Variants in ADAMDEC1 observed in about 807,000 individuals in gnomAD.
ADAMDEC1 encodes ADAM like decysin 1.
In ADAMDEC1, 62 loss-of-function variants were observed where a neutral mutation model predicts 60.4. The observed-to-expected ratio is 1.03, with a 90% CI of 0.84 to 1.27. The LOEUF is 1.27. Ranked by LOEUF, ADAMDEC1 falls within the 50% of genes most tolerant of loss-of-function variation. The pLI, the probability that ADAMDEC1 is intolerant of heterozygous loss-of-function variation, is 0.00. For missense variants in ADAMDEC1, 595 were observed against 565.0 expected (o/e 1.05, Z -0.54); for synonymous variants, 210 against 195.1 (o/e 1.08, Z -0.64).
intron 5 of ADAMDEC1, 21 bp downstream of exon 5, chr8:24,395,817 T>C: frequency 6.3e-7 from 1 of 1,582,596 alleles, no homozygotes; most frequent in Non-Finnish European, 8.7e-7. Context: ...CCATCAAAAT[T>C]ACTCAAGATC....
intron 5 of ADAMDEC1, 89 bp from the exon 6 acceptor site, chr8:24,397,181 G>A: frequency 8.1e-7 from 1 of 1,240,408 alleles, no homozygotes; most frequent in South Asian, 1.5e-5. Context: ...GTGAAATTGG[G>A]ATGGAGGGGC....
intron 1 of ADAMDEC1, among the ~76,000 whole-genome samples, chr8:24,389,327 T>C (rs2129357562): frequency 6.6e-6 from 1 of 152,262 alleles, no homozygotes; most frequent in East Asian, 1.9e-4. Context: ...TCATCCTTGA[T>C]TCCTCTCTTT....
At chr8:24,384,706 T>C (rs907737154) in intron 1 of ADAMDEC1, 114 bp downstream of exon 1, 2 of 962,712 alleles carry the variant, frequency 2.1e-6, no homozygotes, top group Admixed American at 3.0e-5. Context: ...CCATTACCAT[T>C]TGCATTTTGG....
At chr8:24,400,399 C>G (rs1249390818) in intron 11 of ADAMDEC1, 99 bp downstream of exon 11, 25 of 1,261,846 alleles carry the variant, frequency 2.0e-5, no homozygotes, top group Non-Finnish European at 2.3e-5. Context: ...AATATTAGAT[C>G]TTGTGTTGTT....
At position 24,398,508 on chromosome 8, in the gene ADAMDEC1, T is replaced by C; in HGVS notation, c.719T>C (p.Leu240Pro). 1 of 1,599,960 alleles carries C rather than the reference T, an allele frequency of 6.3e-7. No homozygotes were observed. The highest frequency in any genetic ancestry group is 1.1e-5 in the South Asian group (1 of 90,258). The change falls in exon 8 of 14, where the codon CTG (leucine) becomes CCG (proline). Residue 240 changes from leucine to proline, a missense_variant. Leu to Pro is a moderately conservative substitution (Grantham distance 98). Transcript: ENST00000256412. ...FYKNYNENLTLIRSFVFDVMN... is the reference protein window; with the variant it reads ...FYKNYNENLTPIRSFVFDVMN... ...AAGAACTATAATGAGAATCTAACTCTGATAAGAAGCTTTGTGTTTGATGTG... is the reference window on the plus strand; with the variant it reads ...AAGAACTATAATGAGAATCTAACTCCGATAAGAAGCTTTGTGTTTGATGTG...
chr8:24,399,323 T>C (rs1480933995), intron 9 of ADAMDEC1, 70 bp from the exon 10 acceptor site: 2 of 1,473,684 alleles, frequency 1.4e-6, no homozygotes, highest in South Asian at 2.3e-5. Context: ...AATTCGTTAA[T>C]GTAATTAACA....
At chr8:24,400,028 C>T in intron 10 of ADAMDEC1, 142 bp from the exon 11 acceptor site, 1 of 627,802 alleles carries the variant, frequency 1.6e-6, no homozygotes, top group East Asian at 3.0e-5. Flanking sequence ...TTTAAATGCT[C>T]TTTCAACGTT....
At chr8:24,396,674 A>G (rs1311233333) in intron 5 of ADAMDEC1, among the ~76,000 whole-genome samples, 2 of 152,240 alleles carry the variant, frequency 1.3e-5, no homozygotes, top group African/African-American at 2.4e-5. Context: ...TGTTCTTCCA[A>G]CATGGCTGAT....
In ADAMDEC1 at chr8:24,392,472, T is replaced by C. The variant is rs76898116; in HGVS notation, c.207+92T>C. ...CTAACAGAAGTGATGTTACAGTTAC[T>C]ATGTAATAGTTTCATATTGAAGCCC... On this transcript the variant is annotated intron_variant, in intron 2 of 13. Coordinates refer to ENST00000256412, the MANE Select transcript of ADAMDEC1 (RefSeq NM_014479.3). 6.0e-3 allele frequency: 5,447 copies of C among 908,864 alleles called. 209 individuals are homozygous for C. The African/African-American group carries it at 0.084, about 14-fold the overall frequency. 56.3% of individuals were successfully genotyped at this position (908,864 alleles called of 1,614,324 possible). A position where few individuals can be genotyped will look rare whatever the true frequency, so the allele number is the denominator to read the frequency against.
At chr8:24,389,354 C>A (rs550942887) in intron 1 of ADAMDEC1, among the ~76,000 whole-genome samples, 1 of 152,142 alleles carries the variant, frequency 6.6e-6, no homozygotes, top group Admixed American at 6.6e-5. Flanking sequence ...TGTTCTATAT[C>A]CAATCCTTCA....
In ADAMDEC1 at chr8:24,405,413, A is replaced by T; in HGVS notation, c.*115A>T. The T allele has an allele frequency of 1.7e-6, 2 of 1,209,716 alleles. No individual in the cohort carries two copies. The highest frequency in any genetic ancestry group is 2.7e-5 in the South Asian group (2 of 75,080). The allele number at this position is 1,209,716 out of a possible 1,614,324, so 74.9% of individuals were successfully genotyped here. A position where few individuals can be genotyped will look rare whatever the true frequency, so the allele number is the denominator to read the frequency against. ...ATAATGGTCTTTCACTTGTCATTCT[A>T]CTTTCTATATTGTTATCAGTCCAGG... On this transcript the variant is annotated 3_prime_UTR_variant, in exon 14 of 14. Coordinates refer to ENST00000256412, the MANE Select transcript of ADAMDEC1 (RefSeq NM_014479.3).
rs781526248 is a variant in ADAMDEC1, at chr8:24,384,501, C to T, written c.-4C>T. The T allele has an allele frequency of 3.1e-6, 5 of 1,603,644 alleles. No homozygotes were observed. The South Asian group carries it at 4.5e-5, about 14-fold the overall frequency. On this transcript the variant is annotated 5_prime_UTR_variant, in exon 1 of 14. Coordinates refer to ENST00000256412, the MANE Select transcript of ADAMDEC1 (RefSeq NM_014479.3). ...AAACTGGACACTGGGGAGACCACAA[C>T]TTCATGCTGCGTGGGATCTCCCAGC...
At chr8:24,397,969 A>G (rs982094659) in intron 7 of ADAMDEC1, among the ~76,000 whole-genome samples, 4 of 152,136 alleles carry the variant, frequency 2.6e-5, no homozygotes, top group African/African-American at 9.6e-5. Context: ...AATACCAGAT[A>G]GCTACAGGCA....
intron 2 of ADAMDEC1, 31 bp from the exon 3 acceptor site, chr8:24,393,231 T>TA (rs753467839): frequency 1.5e-6 from 2 of 1,368,916 alleles, no homozygotes; most frequent in Non-Finnish European, 2.0e-6. Context: ...CTCAGAAATA[T>TA]AAATTGCTTG....
chr8:24,400,409 T>G, intron 11 of ADAMDEC1, 109 bp downstream of exon 11: 1 of 1,207,156 alleles, frequency 8.3e-7, no homozygotes, highest in Non-Finnish European at 1.1e-6. Context: ...CTTGTGTTGT[T>G]CCAAAACAGA....
intron 13 of ADAMDEC1, 32 bp downstream of exon 13, chr8:24,404,120 G>A (rs761352886): frequency 3.2e-6 from 5 of 1,587,106 alleles, no homozygotes; most frequent in Admixed American, 1.7e-5. Context: ...GTTCCAAAAC[G>A]TTTTCTCACG....
rs1817728403 is a variant in ADAMDEC1, at chr8:24,400,293, T to G, written c.1135T>G (p.Tyr379Asp). The G allele has an allele frequency of 6.2e-7, 1 of 1,600,650 alleles. No individual in the cohort carries two copies. Among genetic ancestry groups the G allele is most frequent in the African/African-American group, 1.3e-5 (1 of 74,392 alleles). ...CTCTGGCAGTTGTGTGATGAATCAG[T>G]ATCTGAGGTGAGACCTTGTCATCCT... is the stretch of plus-strand genomic sequence containing the variant. ...CPSGSCVMNQ[Y>D]LSSKFPKDFS... Residue 379 changes from tyrosine (Y) to aspartate (D), a missense_variant, in exon 11 of 14, where the codon TAT (tyrosine) becomes GAT (aspartate). Tyr to Asp is a radical substitution (Grantham distance 160). Coordinates refer to ENST00000256412, the MANE Select transcript of ADAMDEC1 (RefSeq NM_014479.3).
At chr8:24,391,615 G>A (rs1817446708) in intron 1 of ADAMDEC1, among the ~76,000 whole-genome samples, 1 of 152,052 alleles carries the variant, frequency 6.6e-6, no homozygotes, top group Non-Finnish European at 1.5e-5. Flanking sequence ...TCCTCTCTGA[G>A]GCTTTAAAAC....
chr8:24,402,038 G>T lies in ADAMDEC1; in HGVS notation c.1266G>T (p.Val422=). The part of the protein sequence containing the change: ...PIPTNIMTTP[V]CGNHLLEVGE... ...CTACAAATATAATGACAACACCAGT[G>T]TGTGGGAACCACCTTCTAGAAGTGG... is the stretch of plus-strand genomic sequence containing the variant. Residue 422 remains valine, a synonymous_variant, in exon 12 of 14, where the codon GTG becomes GTT. Coordinates refer to ENST00000256412, the MANE Select transcript of ADAMDEC1 (RefSeq NM_014479.3). The T allele has an allele frequency of 6.2e-7, 1 of 1,613,178 alleles. No homozygotes were observed. The highest frequency in any genetic ancestry group is 1.7e-5 in the Admixed American group (1 of 59,932).
Sources: allele counts gnomAD v4.1 joint callset (sites outside exome capture counted in the v4.1 genomes callset), GRCh38; gene constraint gnomAD v4.1.1; transcripts MANE v1.5; gene names NCBI Gene and HGNC (gene_info 2026-07-23, HGNC 2026-07-21).